Variants in CHD6 observed in about 807,000 individuals in gnomAD.
CHD6 encodes ATP-dependent chromatin remodeler CHD6.
A neutral mutation model predicts 276.9 loss-of-function variants in CHD6; 50 were observed. The ratio of observed to expected loss-of-function variants is 0.18; its 90% confidence interval spans 0.14 to 0.23. CHD6 has a LOEUF of 0.23. Among genes scored for constraint, CHD6 ranks in the 10% least tolerant of loss-of-function variants. CHD6 has a pLI of 1.00. For missense variants in CHD6, 2,564 were observed against 3,365.8 expected (o/e 0.76, Z 5.89); for synonymous variants, 1,173 against 1,229.3 (o/e 0.95, Z 0.96).
chr20:41,483,657 A>G, intron 15 of CHD6, 138 bp from the exon 16 acceptor site: 1 of 642,016 alleles, frequency 1.6e-6, no homozygotes, highest in Non-Finnish European at 2.6e-6. Context: ...TGCTGGGTGC[A>G]CTCTTTGGTC....
chr20:41,408,623 C>T (rs2046752430), intron 36 of CHD6, among the ~76,000 whole-genome samples: 1 of 152,188 alleles, frequency 6.6e-6, no homozygotes, highest in African/African-American at 2.4e-5. Context: ...GTAACCACAA[C>T]TTGACCACAT....
Position 41,404,983 on chromosome 20 carries a change from G to A in CHD6, c.7758C>T (p.Asp2586=), listed in dbSNP as rs778738613. 6.2e-7 allele frequency: 1 copy of A among 1,614,208 alleles called. No homozygotes were observed. The highest frequency in any genetic ancestry group is 8.5e-7 in the Non-Finnish European group (1 of 1,180,030). Residue 2586 remains aspartate, a synonymous_variant, in exon 37 of 37, where the codon GAC becomes GAT. Coordinates refer to ENST00000373233, the MANE Select transcript of CHD6 (RefSeq NM_032221.5). ...HDVKTDTLAE[D]KPGPGPFSDQ... ...CAGAAAATGGACCTGGACCAGGCTTGTCCTCAGCTAAAGTGTCTGTTTTCA... is the reference window on the plus strand; with the variant it reads ...CAGAAAATGGACCTGGACCAGGCTTATCCTCAGCTAAAGTGTCTGTTTTCA...
At chr20:41,560,977 C>T (rs1452868029) in intron 1 of CHD6, among the ~76,000 whole-genome samples, 1 of 152,020 alleles carries the variant, frequency 6.6e-6, no homozygotes, top group Non-Finnish European at 1.5e-5. Flanking sequence ...ATTAGATTTT[C>T]TTTTCGATTT....
chr20:41,565,123 A>G (rs537125316), intron 1 of CHD6, among the ~76,000 whole-genome samples: 1 of 149,216 alleles, frequency 6.7e-6, no homozygotes, highest in South Asian at 2.1e-4. Context: ...TGAGATAGAG[A>G]TTCACTATTG....
At chr20:41,425,098 C>T in intron 29 of CHD6, 80 bp downstream of exon 29, 1 of 1,078,898 alleles carries the variant, frequency 9.3e-7, no homozygotes, top group Admixed American at 1.8e-5. Context: ...ATATACTCGC[C>T]CTCCAAGCTA....
At chr20:41,406,503 G>A (rs1244474120) in intron 36 of CHD6, among the ~76,000 whole-genome samples, 2 of 152,230 alleles carry the variant, frequency 1.3e-5, no homozygotes, top group Non-Finnish European at 1.5e-5. Flanking sequence ...ACGTGGAAAG[G>A]AAGGCGCAGG....
chr20:41,596,173 C>T (rs1179785603), intron 1 of CHD6, among the ~76,000 whole-genome samples: 2 of 152,176 alleles, frequency 1.3e-5, no homozygotes, highest in African/African-American at 2.4e-5. Flanking sequence ...GAAGCTCCAA[C>T]GAGAAATAGA....
chr20:41,562,997 T>C (rs961380662), intron 1 of CHD6, among the ~76,000 whole-genome samples: 1 of 152,216 alleles, frequency 6.6e-6, no homozygotes, highest in African/African-American at 2.4e-5. Flanking sequence ...AGCTCTGTGC[T>C]TGGCCGGTCT....
rs566783317 is a variant in CHD6, at chr20:41,427,758, A to G, written c.4069-1605T>C. Among the ~76,000 whole-genome samples the G allele has an allele frequency of 6.6e-5, 10 of 152,344 alleles. No individual in the cohort carries two copies. The East Asian group carries it at 1.4e-3, about 21-fold the overall frequency. On this transcript the variant is annotated intron_variant, in intron 27 of 36. Coordinates refer to ENST00000373233, the MANE Select transcript of CHD6 (RefSeq NM_032221.5). The stretch of plus-strand genomic sequence containing the variant: ...TGAAAACCCAGGGCTGATCTACTGT[A>G]CCATTTTGAAGTGGCAGTTAAATAT...
rs182385571 is a variant in CHD6 at position 41,493,689 on chromosome 20, A to C, written c.1180-17T>G. ...TGTTACCTCCTGGTGGGAAAACAGG[A>C]AAGAAACTTAATGTTCTATTAGGTT... On this transcript the variant is annotated splice_polypyrimidine_tract_variant and intron_variant, in intron 9 of 36. Coordinates refer to ENST00000373233, the MANE Select transcript of CHD6 (RefSeq NM_032221.5). 8.7e-6 allele frequency: 14 copies of C among 1,612,868 alleles called. No homozygotes were observed. In the African/African-American group the frequency reaches 1.7e-4, roughly 20 times the overall value.
chr20:41,545,881 A>T (rs1012594567), intron 2 of CHD6, among the ~76,000 whole-genome samples: 5 of 151,938 alleles, frequency 3.3e-5, no homozygotes, highest in African/African-American at 1.2e-4. Flanking sequence ...CTAGCTCCCC[A>T]CAGAAGACGC....
intron 1 of CHD6, among the ~76,000 whole-genome samples, chr20:41,601,384 A>T (rs1415721961): frequency 6.6e-6 from 1 of 152,162 alleles, no homozygotes; most frequent in African/African-American, 2.4e-5. Context: ...GTCCCAAAAT[A>T]AGTGGTATTT....
At chr20:41,554,229 C>T (rs1479251863) in intron 1 of CHD6, among the ~76,000 whole-genome samples, 1 of 152,096 alleles carries the variant, frequency 6.6e-6, no homozygotes, top group Non-Finnish European at 1.5e-5. Flanking sequence ...AGAACTGATA[C>T]AATTATGATG....
intron 8 of CHD6, among the ~76,000 whole-genome samples, chr20:41,494,333 G>A (rs773984861): frequency 3.4e-4 from 51 of 152,170 alleles, no homozygotes; most frequent in Non-Finnish European, 5.9e-4. Context: ...GGGCATGAGG[G>A]AAGCTTCCTG....
chr20:41,559,111 T>C (rs1445487312), intron 1 of CHD6, among the ~76,000 whole-genome samples: 1 of 151,598 alleles, frequency 6.6e-6, no homozygotes, highest in East Asian at 1.9e-4. Context: ...GGACTTCCTA[T>C]GTATCTATTT....
chr20:41,456,748 G>T (rs957999586), intron 18 of CHD6, among the ~76,000 whole-genome samples: 6 of 152,208 alleles, frequency 3.9e-5, no homozygotes, highest in Non-Finnish European at 8.8e-5. Flanking sequence ...GACAATTTAA[G>T]AATCTTAGCT....
intron 1 of CHD6, among the ~76,000 whole-genome samples, chr20:41,613,894 G>A (rs939657616): frequency 2.0e-5 from 3 of 151,852 alleles, no homozygotes; most frequent in Non-Finnish European, 2.9e-5. Flanking sequence ...AGGGGTCCAC[G>A]AACTGCAGGA....
intron 1 of CHD6, among the ~76,000 whole-genome samples, chr20:41,581,674 CA>C (rs11312840): frequency 0.4 from 54,092 of 134,772 alleles, 12,054 homozygotes; most frequent in African/African-American, 0.65. Context: ...GACTCCATCT[CA>C]AAAAAAAAAA....
intron 17 of CHD6, among the ~76,000 whole-genome samples, chr20:41,470,411 T>A (rs1302342957): frequency 1.3e-5 from 2 of 152,048 alleles, no homozygotes; most frequent in Admixed American, 1.3e-4. Flanking sequence ...TCTCACACAG[T>A]AACCTTTTGC....
Sources: gnomAD v4.1 joint callset for allele counts (sites outside exome capture counted in the v4.1 genomes callset) on GRCh38, gnomAD v4.1.1 for gene constraint, MANE v1.5 for transcripts, NCBI Gene and HGNC (gene_info 2026-07-23, HGNC 2026-07-21) for gene names.